NRXN3: variants seen among roughly 807,000 people sequenced by gnomAD.
NRXN3 encodes neurexin 3, also known as neurexin III.
A neutral mutation model predicts 137.6 loss-of-function variants in NRXN3; 32 were observed. The ratio of observed to expected loss-of-function variants is 0.23; its 90% CI spans 0.18 to 0.31. The LOEUF is 0.31. Ranked by LOEUF, NRXN3 falls within the 10% of genes least tolerant of loss-of-function variation. The pLI is 1.00. For synonymous variants in NRXN3, 798 were observed against 784.5 expected (o/e 1.02, Z -0.29); for missense variants, 1,574 against 2,062.5 (o/e 0.76, Z 4.59).
At chr14:78,185,147 A>G (rs2060129432) in intron 1 of NRXN3, among the ~76,000 whole-genome samples, 1 of 152,248 alleles carries the variant, frequency 6.6e-6, no homozygotes, top group Non-Finnish European at 1.5e-5. Context: ...TGCTAGGAAT[A>G]CAGAGAAGAG....
At chr14:79,518,330 A>G (rs949048572) in intron 16 of NRXN3, among the ~76,000 whole-genome samples, 3 of 152,182 alleles carry the variant, frequency 2.0e-5, no homozygotes, top group Non-Finnish European at 4.4e-5. Flanking sequence ...AAGGAGAGCT[A>G]TAACTTCTAT....
In NRXN3 at chr14:79,852,114, G is replaced by A. The variant is rs114343529; in HGVS notation, c.4094-9228G>A. 5.2e-3 allele frequency among the ~76,000 whole-genome samples: 796 copies of A among 152,024 alleles called. 7 individuals are homozygous for A. Among genetic ancestry groups the A allele is most frequent in the African/African-American group, 0.018 (758 of 41,476 alleles). On this transcript the variant is annotated intron_variant, in intron 20 of 20. Coordinates refer to ENST00000335750, the MANE Select transcript of NRXN3 (RefSeq NM_001330195.2). ...TGTTAATTATAACCCCTCTATGCCC[G>A]TAAAATATGCCATCTAAAGGCTTTG...
At chr14:79,503,369 A>G (rs1359441356) in intron 16 of NRXN3, among the ~76,000 whole-genome samples, 2 of 152,146 alleles carry the variant, frequency 1.3e-5, no homozygotes, top group Admixed American at 1.3e-4. Flanking sequence ...AAGCAAATCC[A>G]AATCTCCAGA....
chr14:79,030,779 T>A (rs954085880), intron 15 of NRXN3, among the ~76,000 whole-genome samples: 10 of 151,868 alleles, frequency 6.6e-5, no homozygotes, highest in Non-Finnish European at 1.0e-4. Flanking sequence ...ATTATCAATA[T>A]CTTACTACCT....
At chr14:78,194,104 G>A (rs562513578) in intron 1 of NRXN3, among the ~76,000 whole-genome samples, 25 of 152,340 alleles carry the variant, frequency 1.6e-4, no homozygotes, top group African/African-American at 5.1e-4. Context: ...CATGATGTGC[G>A]ACCCACATCG....
intron 16 of NRXN3, among the ~76,000 whole-genome samples, chr14:79,488,201 T>C (rs74068698): frequency 0.023 from 3,435 of 152,242 alleles, 136 homozygotes; most frequent in African/African-American, 0.078. Context: ...TGATTGGCAA[T>C]TGGTTTGAAT....
intron 15 of NRXN3, among the ~76,000 whole-genome samples, chr14:79,109,335 G>A (rs1333774083): frequency 6.6e-6 from 1 of 152,098 alleles, no homozygotes; most frequent in Non-Finnish European, 1.5e-5. Context: ...AAACTTAGAA[G>A]AACTAGATAA....
At chr14:78,864,510 C>A (rs1469694546) in intron 10 of NRXN3, among the ~76,000 whole-genome samples, 2 of 152,066 alleles carry the variant, frequency 1.3e-5, no homozygotes, top group Admixed American at 6.6e-5. Flanking sequence ...GGTGCTTCAC[C>A]TCTCCATACA....
rs149047383 is a variant in NRXN3 at position 78,201,717 on chromosome 14, C to G, written c.-704+31043C>G. Among the ~76,000 whole-genome samples, 26 of 152,292 alleles carry G rather than the reference C, an allele frequency of 1.7e-4. No homozygotes were observed. The East Asian group carries it at 4.4e-3, about 26-fold the overall frequency. On this transcript the variant is annotated intron_variant, in intron 1 of 20. Coordinates refer to ENST00000335750, the MANE Select transcript of NRXN3 (RefSeq NM_001330195.2). ...CTACACGAAGGAGCTGCTGACAAGT[C>G]TCGGGCTGGAGACAGAAGGTGGAGA...
At chr14:78,657,961 C>T (rs1305140286) in intron 6 of NRXN3, among the ~76,000 whole-genome samples, 1 of 152,102 alleles carries the variant, frequency 6.6e-6, no homozygotes, top group Admixed American at 6.6e-5. Flanking sequence ...CTCTTTCTTC[C>T]TTACTCATTT....
At chr14:78,182,499 C>T (rs1207691953) in intron 1 of NRXN3, among the ~76,000 whole-genome samples, 2 of 152,132 alleles carry the variant, frequency 1.3e-5, no homozygotes, top group Non-Finnish European at 2.9e-5. Flanking sequence ...GATGGAGTTT[C>T]GCTCCTGTTG....
At chr14:78,466,294 A>C (rs1349051180) in intron 4 of NRXN3, among the ~76,000 whole-genome samples, 1 of 152,222 alleles carries the variant, frequency 6.6e-6, no homozygotes, top group Non-Finnish European at 1.5e-5. Context: ...AGACATTTTA[A>C]GAAGTTCTCA....
At chr14:78,413,141 C>T (rs1049673142) in intron 4 of NRXN3, among the ~76,000 whole-genome samples, 2 of 151,986 alleles carry the variant, frequency 1.3e-5, no homozygotes, top group Non-Finnish European at 2.9e-5. Flanking sequence ...GGAAAAGCTA[C>T]AAGGAAGTGA....
chr14:79,224,173 A>C (rs75809640), intron 15 of NRXN3, among the ~76,000 whole-genome samples: 1 of 152,034 alleles, frequency 6.6e-6, no homozygotes, highest in African/African-American at 2.4e-5. Context: ...TTTTTTTCCT[A>C]TGGTGATTGT....
At chr14:79,497,852 T>C (rs138473279) in intron 16 of NRXN3, among the ~76,000 whole-genome samples, 2,404 of 152,140 alleles carry the variant, frequency 0.016, 113 homozygotes, top group East Asian at 0.15. Context: ...CTGGCCAACA[T>C]AGTGAAACCC....
chr14:79,193,726 G>A (rs1364277317), intron 15 of NRXN3, among the ~76,000 whole-genome samples: 2 of 152,156 alleles, frequency 1.3e-5, no homozygotes, highest in Non-Finnish European at 2.9e-5. Context: ...AACAGTAAAG[G>A]AAAGAGAAAG....
intron 1 of NRXN3, chr14:78,177,787 A>G (rs972208655): frequency 9.9e-5 from 15 of 152,196 alleles, no homozygotes; most frequent in African/African-American, 3.4e-4. Flanking sequence ...TCTTCTGAGT[A>G]TTCCTACTAC....
chr14:79,516,896 C>T (rs1240020795), intron 16 of NRXN3, among the ~76,000 whole-genome samples: 4 of 152,144 alleles, frequency 2.6e-5, no homozygotes, highest in African/African-American at 9.7e-5. Flanking sequence ...ATTTACTTAA[C>T]TGTTCCTTTA....
At chr14:79,552,296 T>C (rs1056460441) in intron 16 of NRXN3, among the ~76,000 whole-genome samples, 25 of 152,166 alleles carry the variant, frequency 1.6e-4, no homozygotes, top group African/African-American at 6.0e-4. Context: ...ATGTGGTGTT[T>C]CAGGTATGAT....
Sources: gnomAD v4.1 joint callset for allele counts (sites outside exome capture counted in the v4.1 genomes callset) on GRCh38, gnomAD v4.1.1 for gene constraint, MANE v1.5 for transcripts, NCBI Gene and HGNC (gene_info 2026-07-23, HGNC 2026-07-21) for gene names.